LIMCH1: variants seen among roughly 807,000 people sequenced by gnomAD.
The protein encoded by LIMCH1 is LIM and calponin homology domains-containing protein 1.
LIMCH1 carries 113 observed loss-of-function variants against 176.5 expected under a neutral mutation model. The ratio of observed to expected loss-of-function variants is 0.64; its 90% CI spans 0.55 to 0.75. LIMCH1 has a LOEUF of 0.75. Among genes scored for constraint, LIMCH1 ranks in the 30% least tolerant of loss-of-function variants. LIMCH1 has a pLI of 0.00. For missense variants in LIMCH1, 1,674 were observed against 1,814.9 expected (o/e 0.92, Z 1.41); for synonymous variants, 619 against 645.9 (o/e 0.96, Z 0.63).
At chr4:41,465,250 C>T (rs2065946414) in intron 1 of LIMCH1, among the ~76,000 whole-genome samples, 1 of 152,090 alleles carries the variant, frequency 6.6e-6, no homozygotes, top group South Asian at 2.1e-4. Context: ...ACTCCAAAGT[C>T]CATAAGCCAG....
intron 1 of LIMCH1, among the ~76,000 whole-genome samples, chr4:41,367,833 C>A (rs2053315915): frequency 6.7e-6 from 1 of 148,866 alleles, no homozygotes; most frequent in African/African-American, 2.5e-5. Flanking sequence ...CGCCACTGCA[C>A]TCCAGCCTGG....
chr4:41,566,107 C>T (rs1044557815), intron 1 of LIMCH1, among the ~76,000 whole-genome samples: 3 of 152,298 alleles, frequency 2.0e-5, no homozygotes, highest in African/African-American at 7.2e-5. Context: ...AAGTAGGCAT[C>T]CCTAGTGGTG....
At chr4:41,530,797 A>AAAAAG (rs1372526318) in intron 3 of LIMCH1, among the ~76,000 whole-genome samples, 1 of 142,684 alleles carries the variant, frequency 7.0e-6, no homozygotes, top group African/African-American at 2.7e-5. Context: ...CCCCGCCTAA[A>AAAAAG]AAAAAAAAAA....
At chr4:41,526,843 A>T (rs2076710668) in intron 3 of LIMCH1, among the ~76,000 whole-genome samples, 2 of 152,174 alleles carry the variant, frequency 1.3e-5, no homozygotes. Context: ...GCTATCAAAG[A>T]ATTTTCCCAT....
intron 13 of LIMCH1, among the ~76,000 whole-genome samples, chr4:41,635,112 T>C (rs889027354): frequency 2.6e-5 from 4 of 152,188 alleles, no homozygotes; most frequent in African/African-American, 9.7e-5. Context: ...TGTACACAGC[T>C]GGTACCTACA....
intron 2 of LIMCH1, among the ~76,000 whole-genome samples, chr4:41,510,068 G>A (rs1210430190): frequency 6.6e-6 from 1 of 152,142 alleles, no homozygotes; most frequent in Non-Finnish European, 1.5e-5. Flanking sequence ...GGCATTTACA[G>A]AGTTTGTTTT....
At chr4:41,577,424 GATTT>G (rs2084674991) in intron 1 of LIMCH1, among the ~76,000 whole-genome samples, 1 of 152,028 alleles carries the variant, frequency 6.6e-6, no homozygotes, top group Admixed American at 6.6e-5. Flanking sequence ...AGTTGCAAGT[GATTT>G]ATTTATTTAT....
intron 19 of LIMCH1, chr4:41,661,862 C>A: frequency 2.6e-6 from 1 of 379,940 alleles, no homozygotes; most frequent in South Asian, 2.2e-5. Context: ...AGCGAGAGGT[C>A]AAAAACATAA....
intron 14 of LIMCH1, among the ~76,000 whole-genome samples, chr4:41,639,476 T>C (rs978774277): frequency 3.9e-5 from 6 of 152,288 alleles, no homozygotes; most frequent in South Asian, 2.1e-4. Context: ...GACCAAAACA[T>C]TGGAGTTTTG....
At chr4:41,444,505 C>T (rs1030229164) in intron 1 of LIMCH1, among the ~76,000 whole-genome samples, 11 of 152,130 alleles carry the variant, frequency 7.2e-5, no homozygotes, top group East Asian at 3.9e-4. Flanking sequence ...ATTTGGTTGG[C>T]GTCAGGCCGT....
At chr4:41,487,653 CTTTTTTT>C (rs149754932) in intron 1 of LIMCH1, among the ~76,000 whole-genome samples, 4 of 108,148 alleles carry the variant, frequency 3.7e-5, no homozygotes, top group East Asian at 2.7e-4. Context: ...TTTTTATATT[CTTTTTTT>C]TTTTTTTTTT....
intron 18 of LIMCH1, among the ~76,000 whole-genome samples, chr4:41,660,045 C>G (rs890924236): frequency 2.6e-5 from 4 of 151,986 alleles, no homozygotes; most frequent in Non-Finnish European, 5.9e-5. Flanking sequence ...AAAATAATCA[C>G]AATTAACATT....
chr4:41,473,018 T>C (rs1009774461), intron 1 of LIMCH1: 1 of 984,010 alleles, frequency 1.0e-6, no homozygotes, highest in Non-Finnish European at 1.2e-6. Flanking sequence ...AGAGAATAAA[T>C]GCGAAGGCCA....
chr4:41,369,617 C>T (rs1014585185), intron 1 of LIMCH1, among the ~76,000 whole-genome samples: 1 of 152,126 alleles, frequency 6.6e-6, no homozygotes, highest in Non-Finnish European at 1.5e-5. Flanking sequence ...TTTGTACACA[C>T]CTGAGCCTCA....
intron 1 of LIMCH1, among the ~76,000 whole-genome samples, chr4:41,580,262 C>A (rs1483213383): frequency 6.6e-6 from 1 of 152,136 alleles, no homozygotes; most frequent in African/African-American, 2.4e-5. Flanking sequence ...CCTCTCCTTC[C>A]CCTGAATCAT....
intron 26 of LIMCH1, among the ~76,000 whole-genome samples, chr4:41,682,672 C>CTTTTTTTTTTTTTTTT (rs1479823691): frequency 3.6e-4 from 51 of 139,898 alleles, no homozygotes; most frequent in Admixed American, 5.6e-4. Context: ...TTTTTTTCTT[C>CTTTTTTTTTTTTTTTT]TTCTTCTTTT....
intron 7 of LIMCH1, among the ~76,000 whole-genome samples, chr4:41,621,948 A>G (rs1340717537): frequency 1.3e-5 from 2 of 152,004 alleles, no homozygotes; most frequent in South Asian, 2.1e-4. Context: ...GTTGAGTTAC[A>G]TAAATTTAAT....
intron 2 of LIMCH1, among the ~76,000 whole-genome samples, chr4:41,510,697 T>C (rs1306781726): frequency 2.0e-5 from 3 of 152,180 alleles, no homozygotes; most frequent in Admixed American, 1.3e-4. Context: ...CAAGTGATTC[T>C]GCTGCCTCAG....
At chr4:41,494,390 T>C (rs193243001) in intron 1 of LIMCH1, 237 of 542,666 alleles carry the variant, frequency 4.4e-4, no homozygotes, top group Non-Finnish European at 3.3e-4. Context: ...CATACATACA[T>C]ATACGTACAT....
Sources: gnomAD v4.1 joint callset for allele counts (sites outside exome capture counted in the v4.1 genomes callset) on GRCh38, gnomAD v4.1.1 for gene constraint, MANE v1.5 for transcripts, NCBI Gene and HGNC (gene_info 2026-07-23, HGNC 2026-07-21) for gene names.